Variants in DPYD observed in about 807,000 individuals in gnomAD.
DPYD encodes dihydropyrimidine dehydrogenase, also known as dihydropyrimidine dehydrogenase [NADP(+)].
DPYD carries 109 observed loss-of-function variants against 116.2 expected under a neutral mutation model. That is an observed-to-expected ratio of 0.94 (90% CI 0.80 to 1.10). The LOEUF (loss-of-function observed/expected upper bound fraction) is 1.10, where lower values mean the gene tolerates loss of function less well. DPYD is among the 50% of genes least tolerant of loss of function. The probability of loss-of-function intolerance (pLI) is 0.00; values close to 1 mark genes in which losing one functional copy is unlikely to be tolerated. For synonymous variants in DPYD, 440 were observed against 432.0 expected (o/e 1.02, Z -0.23); for missense variants, 1,302 against 1,254.5 (o/e 1.04, Z -0.57).
intron 8 of DPYD, among the ~76,000 whole-genome samples, chr1:97,604,563 C>CA (rs1325626675): frequency 8.6e-5 from 13 of 151,456 alleles, no homozygotes; most frequent in African/African-American, 3.2e-4. Flanking sequence ...ATAAGTTTTC[C>CA]AAAAAAATTA....
chr1:97,916,007 T>C (rs1674193588), intron 1 of DPYD, among the ~76,000 whole-genome samples: 1 of 152,200 alleles, frequency 6.6e-6, no homozygotes, highest in Admixed American at 6.5e-5. Context: ...ATCTTTATTT[T>C]ACTAGGGGTT....
intron 3 of DPYD, among the ~76,000 whole-genome samples, chr1:97,750,274 A>T (rs1664796635): frequency 6.6e-6 from 1 of 152,080 alleles, no homozygotes; most frequent in Admixed American, 6.5e-5. Flanking sequence ...AGAACTTAAG[A>T]TAAAAATAAA....
intron 13 of DPYD, among the ~76,000 whole-genome samples, chr1:97,469,153 T>C (rs1677486871): frequency 6.6e-6 from 1 of 152,100 alleles, no homozygotes; most frequent in African/African-American, 2.4e-5. Flanking sequence ...TCCAGCTCAT[T>C]AGGAACAAAT....
intron 14 of DPYD, among the ~76,000 whole-genome samples, chr1:97,406,680 T>C (rs1325920605): frequency 6.6e-6 from 1 of 151,894 alleles, no homozygotes; most frequent in African/African-American, 2.4e-5. Context: ...CTTGTTAAGA[T>C]GGAGTGGCAA....
chr1:97,361,636 C>A (rs1455645823), intron 16 of DPYD, among the ~76,000 whole-genome samples: 2 of 152,062 alleles, frequency 1.3e-5, no homozygotes, highest in Admixed American at 1.3e-4. Flanking sequence ...CCTGGCATGC[C>A]AGCCTGGTTC....
At chr1:97,891,556 T>C (rs897848972) in intron 1 of DPYD, among the ~76,000 whole-genome samples, 1 of 151,946 alleles carries the variant, frequency 6.6e-6, no homozygotes, top group Non-Finnish European at 1.5e-5. Flanking sequence ...GTTAACACTA[T>C]TCTGTGAAGC....
intron 14 of DPYD, among the ~76,000 whole-genome samples, chr1:97,444,704 G>A (rs890619606): frequency 6.6e-6 from 1 of 152,094 alleles, no homozygotes; most frequent in Non-Finnish European, 1.5e-5. Context: ...CTAACCATAA[G>A]TATCTTTTTT....
At chr1:97,525,793 T>A (rs903047586) in intron 12 of DPYD, among the ~76,000 whole-genome samples, 135 of 77,496 alleles carry the variant, frequency 1.7e-3, no homozygotes, top group African/African-American at 2.6e-3. Flanking sequence ...AGAGAGAGTG[T>A]GTGTGTGTTT....
intron 3 of DPYD, among the ~76,000 whole-genome samples, chr1:97,764,402 G>A (rs1254741344): frequency 6.6e-6 from 1 of 151,984 alleles, no homozygotes; most frequent in East Asian, 1.9e-4. Flanking sequence ...ACACTTAAAA[G>A]GAGATCTGTA....
chr1:97,645,333 TGA>T (rs1557858252), intron 8 of DPYD, among the ~76,000 whole-genome samples: 1 of 152,248 alleles, frequency 6.6e-6, no homozygotes, highest in East Asian at 1.9e-4. Flanking sequence ...CAGGGAGTGT[TGA>T]GTTACACTTC....
At chr1:97,521,103 G>A (rs1255137850) in intron 12 of DPYD, among the ~76,000 whole-genome samples, 1 of 152,204 alleles carries the variant, frequency 6.6e-6, no homozygotes, top group Non-Finnish European at 1.5e-5. Flanking sequence ...CAGTGTAAAA[G>A]TGTTCTTATT....
At chr1:97,141,933 C>A (rs1037361838) in intron 20 of DPYD, among the ~76,000 whole-genome samples, 1 of 152,090 alleles carries the variant, frequency 6.6e-6, no homozygotes, top group Non-Finnish European at 1.5e-5. Context: ...CAGCCTCCTA[C>A]CAAAATCAGC....
Position 97,810,346 on chromosome 1 carries a change from C to T in DPYD, c.233+17768G>A, listed in dbSNP as rs1206886530. 6.6e-5 allele frequency among the ~76,000 whole-genome samples: 10 copies of T among 150,880 alleles called. No homozygotes were observed. In the East Asian group the frequency reaches 9.8e-4, roughly 15 times the overall value. Reference sequence around the variant, plus strand: ...AAATAAAAAGGGCACTTACCCATCTCGCTTAATACAACAGATGTGAAGAGA... The same window carrying T: ...AAATAAAAAGGGCACTTACCCATCTTGCTTAATACAACAGATGTGAAGAGA... On this transcript the variant is annotated intron_variant, in intron 3 of 22. Transcript: ENST00000370192.
intron 21 of DPYD, among the ~76,000 whole-genome samples, chr1:97,096,963 C>T (rs1000670550): frequency 3.9e-5 from 6 of 152,150 alleles, no homozygotes; most frequent in African/African-American, 1.4e-4. Context: ...GACCATGAAC[C>T]CCTGGGCAGG....
chr1:97,148,541 G>A (rs1182439352), intron 20 of DPYD, among the ~76,000 whole-genome samples: 1 of 152,050 alleles, frequency 6.6e-6, no homozygotes, highest in Non-Finnish European at 1.5e-5. Context: ...AGGAAATAAG[G>A]AGAGGCATTT....
At chr1:97,738,516 C>T (rs1240125207) in intron 4 of DPYD, among the ~76,000 whole-genome samples, 1 of 152,096 alleles carries the variant, frequency 6.6e-6, no homozygotes, top group Non-Finnish European at 1.5e-5. Context: ...GATTCAATTA[C>T]CCTCTCAACC....
intron 1 of DPYD, among the ~76,000 whole-genome samples, chr1:97,913,661 A>G (rs1185155916): frequency 6.6e-6 from 1 of 152,198 alleles, no homozygotes; most frequent in East Asian, 1.9e-4. Flanking sequence ...TTAACATGCT[A>G]CAATTTTTCA....
chr1:97,505,506 T>TA (rs1363969313), intron 13 of DPYD, among the ~76,000 whole-genome samples: 1 of 151,282 alleles, frequency 6.6e-6, no homozygotes, highest in Non-Finnish European at 1.5e-5. Context: ...ATAAAATAAT[T>TA]TAAAAAATAA....
At chr1:97,114,704 G>A (rs1182969877) in intron 20 of DPYD, among the ~76,000 whole-genome samples, 2 of 151,996 alleles carry the variant, frequency 1.3e-5, no homozygotes, top group African/African-American at 2.4e-5. Flanking sequence ...GCTGATGGTG[G>A]TTATGGCAGC....
Sources: gnomAD v4.1 joint callset for allele counts (sites outside exome capture counted in the v4.1 genomes callset) on GRCh38, gnomAD v4.1.1 for gene constraint, MANE v1.5 for transcripts, NCBI Gene and HGNC (gene_info 2026-07-23, HGNC 2026-07-21) for gene names.